Variants in NR4A1 observed in about 807,000 individuals in gnomAD.
NR4A1 encodes nuclear receptor subfamily 4 group A member 1.
Under a neutral mutation model 47.5 loss-of-function variants are expected in NR4A1, and 24 were observed. That is an observed-to-expected ratio of 0.50 (90% CI 0.37 to 0.71). The LOEUF (loss-of-function observed/expected upper bound fraction) is 0.71. Ranked by LOEUF, NR4A1 falls within the 30% of genes least tolerant of loss-of-function variation. NR4A1 has a pLI of 0.00. For synonymous variants in NR4A1, 353 were observed against 345.7 expected (o/e 1.02, Z -0.24); for missense variants, 669 against 788.6 (o/e 0.85, Z 1.82).
chr12:52,051,362 G>C, upstream of NR4A1: 2 of 985,024 alleles, frequency 2.0e-6, no homozygotes, highest in Non-Finnish European at 2.4e-6. Flanking sequence ...AAAGCTCGAC[G>C]GGCGGCCTGC....
At chr12:52,052,086 C>G (rs1447808194) in intron 1 of NR4A1, among the ~76,000 whole-genome samples, 1 of 152,088 alleles carries the variant, frequency 6.6e-6, no homozygotes, top group Non-Finnish European at 1.5e-5. Flanking sequence ...GCAGGGGTTC[C>G]CCACCCTGAA....
chr12:52,058,606 GC>G, intron 6 of NR4A1, 81 bp from the exon 7 acceptor site: 1 of 1,444,028 alleles, frequency 6.9e-7, no homozygotes, highest in Non-Finnish European at 9.1e-7. Flanking sequence ...GTCAGGGGCA[GC>G]AGTTTTAGGG....
intron 2 of NR4A1, 174 bp downstream of exon 2, chr12:52,055,378 T>C (rs1014550277): frequency 2.6e-6 from 2 of 772,762 alleles, no homozygotes; most frequent in African/African-American, 3.5e-5. Context: ...ATGCCAGGGC[T>C]GGAAGCTTTC....
At position 52,023,312 on chromosome 12, in the gene NR4A1, G is replaced by T. The variant is rs369790721; in HGVS notation, c.-84+373G>T. On this transcript the variant is annotated intron_variant, in intron 1 of 7. Coordinates refer to the NR4A1 transcript ENST00000360284. ...CTCCCTCTCCACCCTCGCCCACCCCGGGGCCGCGAGGCTGTGGGTTGAGCT... is the reference window on the plus strand; with the variant it reads ...CTCCCTCTCCACCCTCGCCCACCCCTGGGCCGCGAGGCTGTGGGTTGAGCT... 3.8e-4 allele frequency among the ~76,000 whole-genome samples: 57 copies of T among 148,870 alleles called. No homozygotes were observed. In the East Asian group the frequency reaches 8.6e-3, roughly 22 times the overall value.
At position 52,056,592 on chromosome 12, in the gene NR4A1, G is replaced by T. The variant is rs1254844637; in HGVS notation, c.1105G>T (p.Val369Phe). 1.9e-6 allele frequency: 3 copies of T among 1,613,392 alleles called. No individual in the cohort carries two copies. The highest frequency in any genetic ancestry group is 2.5e-6 in the Non-Finnish European group (3 of 1,179,830). ...ASPANLLTSL[V>F]RAHLDSGPST... ...CCCTGCCAATCTCCTCACTTCCCTG[G>T]TCCGTGCACACCTGGACTCAGGGCC... is the stretch of plus-strand genomic sequence containing the variant. The change falls in exon 4 of 7, where the codon GTC (valine) becomes TTC (phenylalanine). Residue 369 changes from valine to phenylalanine, a missense_variant. Coordinates refer to ENST00000394825, the MANE Select transcript of NR4A1 (RefSeq NM_173157.3).
intron 1 of NR4A1, among the ~76,000 whole-genome samples, chr12:52,034,418 C>T (rs1455670824): frequency 6.6e-6 from 1 of 152,222 alleles, no homozygotes; most frequent in Non-Finnish European, 1.5e-5. Flanking sequence ...CAATGTGGGG[C>T]GTCACTGGCC....
At chr12:52,041,136 A>G (rs1938419495) in intron 1 of NR4A1, among the ~76,000 whole-genome samples, 1 of 152,118 alleles carries the variant, frequency 6.6e-6, no homozygotes, top group East Asian at 1.9e-4. Context: ...TAATATTGAT[A>G]TGTAGTAGAT....
intron 1 of NR4A1, among the ~76,000 whole-genome samples, chr12:52,024,849 C>T (rs1438910552): frequency 6.6e-6 from 1 of 152,242 alleles, no homozygotes; most frequent in African/African-American, 2.4e-5. Flanking sequence ...ACAACCTCTA[C>T]CTTCCTCAGC....
Position 52,058,750 on chromosome 12 carries a change from C to T in NR4A1, c.1603C>T (p.Leu535=), listed in dbSNP as rs1939406824. 6.2e-7 allele frequency: 1 copy of T among 1,612,604 alleles called. No individual in the cohort carries two copies. The highest frequency in any genetic ancestry group is 8.5e-7 in the Non-Finnish European group (1 of 1,179,632). The part of the protein sequence containing the change: ...EELQNRIASC[L]KEHVAAVAGE... ...GCTGCAGAACCGCATCGCCAGCTGC[C>T]TGAAGGAGCACGTGGCAGCTGTGGC... is the stretch of plus-strand genomic sequence containing the variant. Residue 535 remains leucine (L), a synonymous_variant, in exon 7 of 7, where the codon CTG becomes TTG. Coordinates refer to ENST00000394825, the MANE Select transcript of NR4A1 (RefSeq NM_173157.3).
intron 1 of NR4A1, chr12:52,053,796 A>T (rs1939101506): frequency 6.5e-6 from 1 of 153,900 alleles, no homozygotes; most frequent in African/African-American, 2.4e-5. Context: ...CATTTTCACG[A>T]TGTCCTTCTT....
chr12:52,029,688 A>AAAAAACAAAAACAAAAAC (rs71092743), intron 1 of NR4A1, among the ~76,000 whole-genome samples: 13 of 151,698 alleles, frequency 8.6e-5, no homozygotes, highest in African/African-American at 2.7e-4. Flanking sequence ...ACCCTGTCTC[A>AAAAAACAAAAACAAAAAC]AAAAACAAAA....
intron 1 of NR4A1, among the ~76,000 whole-genome samples, chr12:52,033,257 C>A (rs762948420): frequency 3.4e-4 from 52 of 152,284 alleles, no homozygotes; most frequent in Non-Finnish European, 6.6e-4. Flanking sequence ...TCGCGGGCCC[C>A]TCAGGGAGGA....
chr12:52,024,946 A>G (rs1937972846), intron 1 of NR4A1, among the ~76,000 whole-genome samples: 1 of 152,080 alleles, frequency 6.6e-6, no homozygotes, highest in African/African-American at 2.4e-5. Context: ...AGCCCAGTGC[A>G]TGCTGGTTAG....
At chr12:52,026,107 C>T (rs921310233) in intron 1 of NR4A1, among the ~76,000 whole-genome samples, 10 of 152,262 alleles carry the variant, frequency 6.6e-5, no homozygotes, top group African/African-American at 1.9e-4. Context: ...AGATCACACC[C>T]TGTCCCGGGC....
At chr12:52,039,908 G>C (rs1266037797) in intron 1 of NR4A1, among the ~76,000 whole-genome samples, 4 of 152,214 alleles carry the variant, frequency 2.6e-5, no homozygotes, top group African/African-American at 9.7e-5. Flanking sequence ...GGCCCTGAGT[G>C]GGGAGAGAAG....
chr12:52,043,970 A>G (rs1400019598), intron 2 of NR4A1: 4 of 1,272,342 alleles, frequency 3.1e-6, no homozygotes, highest in South Asian at 2.5e-5. Context: ...ATTTTTTCCC[A>G]TTGTGACTGT....
At chr12:52,029,227 G>A (rs1938065498) in intron 1 of NR4A1, among the ~76,000 whole-genome samples, 1 of 152,188 alleles carries the variant, frequency 6.6e-6, no homozygotes, top group African/African-American at 2.4e-5. Context: ...CTCTCTCCTT[G>A]GTGCTCAGAT....
chr12:52,054,239 T>C, intron 1 of NR4A1, 88 bp from the exon 2 acceptor site: 1 of 1,175,548 alleles, frequency 8.5e-7, no homozygotes, highest in Non-Finnish European at 1.2e-6. Context: ...GCCACCTTGC[T>C]GCTCTGGGGC....
chr12:52,034,357 A>T (rs926759244), intron 1 of NR4A1, among the ~76,000 whole-genome samples: 7 of 152,198 alleles, frequency 4.6e-5, no homozygotes, highest in African/African-American at 1.7e-4. Context: ...CCTCCCCATC[A>T]GACTAGGAGC....
Sources: gnomAD v4.1 joint callset for allele counts (sites outside exome capture counted in the v4.1 genomes callset) on GRCh38, gnomAD v4.1.1 for gene constraint, MANE v1.5 for transcripts, NCBI Gene and HGNC (gene_info 2026-07-23, HGNC 2026-07-21) for gene names.